The following KIF13A variants were observed in gnomAD, a reference collection of about 807,000 sequenced individuals.
The protein encoded by KIF13A is kinesin family member 13A, also known as kinesin-like protein KIF13A.
A neutral mutation model predicts 212.2 loss-of-function variants in KIF13A; 79 were observed. The ratio of observed to expected loss-of-function variants is 0.37; its 90% CI spans 0.31 to 0.45. KIF13A has a LOEUF of 0.45. Among genes scored for constraint, KIF13A ranks in the 20% least tolerant of loss-of-function variants. KIF13A has a pLI of 1.00. For synonymous variants in KIF13A, 789 were observed against 808.6 expected (o/e 0.98, Z 0.41); for missense variants, 1,901 against 2,209.0 (o/e 0.86, Z 2.79).
intron 2 of KIF13A, among the ~76,000 whole-genome samples, chr6:17,944,815 A>G (rs984906846): frequency 1.3e-4 from 20 of 152,078 alleles, no homozygotes; most frequent in African/African-American, 3.6e-4. Flanking sequence ...ACCAATGGGG[A>G]AAAAAAACTA....
chr6:17,781,623 G>GTTTT (rs776138365), intron 29 of KIF13A, among the ~76,000 whole-genome samples: 1,694 of 107,002 alleles, frequency 0.016, 42 homozygotes, highest in South Asian at 0.026. Context: ...CTGTACTTGG[G>GTTTT]TTTTTTTTTT....
At chr6:17,820,027 A>T (rs1433197240) in intron 16 of KIF13A, among the ~76,000 whole-genome samples, 1 of 152,114 alleles carries the variant, frequency 6.6e-6, no homozygotes, top group African/African-American at 2.4e-5. Context: ...ATACTGAATA[A>T]GATATATAAT....
chr6:17,893,990 C>T (rs1173945446), intron 3 of KIF13A, among the ~76,000 whole-genome samples: 4 of 151,748 alleles, frequency 2.6e-5, no homozygotes, highest in Non-Finnish European at 5.9e-5. Flanking sequence ...CAGGCGTGTG[C>T]CACCACACCC....
chr6:17,849,020 C>A lies in KIF13A; in HGVS notation c.830+357G>T, dbSNP rs572250950. On this transcript the variant is annotated intron_variant, in intron 9 of 38. Coordinates refer to ENST00000259711, the MANE Select transcript of KIF13A (RefSeq NM_022113.6). This position sits in a 1 kb window ranked among gnomAD's most constrained non-coding sequence, Gnocchi z 5.7. ...GCAACCTCCACCTCCCAAATTCAAG[C>A]GATTCTCCTGCATTAGTCTCCCAAG... Among the ~76,000 whole-genome samples the A allele has an allele frequency of 6.6e-6, 1 of 152,108 alleles. No homozygotes were observed. The highest frequency in any genetic ancestry group is 2.4e-5 in the African/African-American group (1 of 41,414).
At chr6:17,972,926 C>T (rs902151768) in intron 2 of KIF13A, among the ~76,000 whole-genome samples, 2 of 151,960 alleles carry the variant, frequency 1.3e-5, no homozygotes, top group African/African-American at 4.8e-5. Flanking sequence ...TAACAGCAGC[C>T]AGTTCATCAA....
rs559437135 is a variant in KIF13A at position 17,778,339 on chromosome 6, G to A, written c.4092+608C>T. ...GCAATTCAGGTGGGATTTCCACTAA[G>A]GGAAGATTTTTCTGACAGATGCCAA... On this transcript the variant is annotated intron_variant, in intron 33 of 38. Transcript: ENST00000259711. Among the ~76,000 whole-genome samples, 11 of 152,204 alleles carry A rather than the reference G, an allele frequency of 7.2e-5. No homozygotes were observed. The South Asian group carries it at 2.1e-3, about 29-fold the overall frequency.
Position 17,849,659 on chromosome 6 carries a change from G to C in KIF13A, c.718-170C>G, listed in dbSNP as rs1767437718. 6.6e-6 allele frequency among the ~76,000 whole-genome samples: 1 copy of C among 152,190 alleles called. No homozygotes were observed. ...ATTTGAACCAGCAATTAATTTCATA[G>C]TTAACATTTAAATAGGCGTAGAAAT... On this transcript the variant is annotated intron_variant, in intron 8 of 38. Transcript: ENST00000259711. This position sits in a 1 kb window ranked among gnomAD's most constrained non-coding sequence, Gnocchi z 5.7.
chr6:17,828,002 C>G lies in KIF13A; in HGVS notation c.1532+238G>C, dbSNP rs1235553553. On this transcript the variant is annotated intron_variant, in intron 14 of 38. Transcript: ENST00000259711. The surrounding 1 kb of genome is among the most constrained non-coding windows in gnomAD (Gnocchi z 4.3). ...TTTCACTTACTCTCATAATTGGACT[C>G]CTGATCTTTACAGGGTTCTAAAGCT... Among the ~76,000 whole-genome samples the G allele has an allele frequency of 1.3e-5, 2 of 152,158 alleles. No homozygotes were observed. Among genetic ancestry groups the G allele is most frequent in the African/African-American group, 4.8e-5 (2 of 41,430 alleles).
intron 2 of KIF13A, among the ~76,000 whole-genome samples, chr6:17,970,154 C>CCT (rs1428879802): frequency 2.0e-5 from 3 of 151,638 alleles, no homozygotes; most frequent in African/African-American, 7.3e-5. Flanking sequence ...GATCTCCTGA[C>CCT]CTCGTGATCC....
At chr6:17,848,886 T>C (rs1581515101) in intron 9 of KIF13A, among the ~76,000 whole-genome samples, 1 of 152,094 alleles carries the variant, frequency 6.6e-6, no homozygotes, top group African/African-American at 2.4e-5. Context: ...GGAATTATAG[T>C]TGTGAGCCAC....
At chr6:17,817,318 T>A in intron 16 of KIF13A, 85 bp from the exon 17 acceptor site, 1 of 1,192,282 alleles carries the variant, frequency 8.4e-7, no homozygotes, top group Non-Finnish European at 1.2e-6. Context: ...GTGGGAGGCT[T>A]CCTCTAGCAA....
rs773629420 is a variant in KIF13A at position 17,872,878 on chromosome 6, C to T, written c.220+499G>A. ...CTTGAACTCCTGACCTCAAGTGATC[C>T]GCCCACCTCGGCCTCCCAAAGTGCT... is the stretch of plus-strand genomic sequence containing the variant. On this transcript the variant is annotated intron_variant, in intron 4 of 38. Transcript: ENST00000259711. The surrounding 1 kb of genome is among the most constrained non-coding windows in gnomAD (Gnocchi z 4.7). Among the ~76,000 whole-genome samples, 1 of 151,990 alleles carries T rather than the reference C, an allele frequency of 6.6e-6. No homozygotes were observed. The highest frequency in any genetic ancestry group is 1.5e-5 in the Non-Finnish European group (1 of 68,010).
At position 17,888,967 on chromosome 6, in the gene KIF13A, C is replaced by T. The variant is rs546081033; in HGVS notation, c.159+9201G>A. ...CTAGCATATATTTTGTACTTAATCT[C>T]GAGCAACACCAGTCACATATCATAT... is the stretch of plus-strand genomic sequence containing the variant. On this transcript the variant is annotated intron_variant, in intron 3 of 38. Coordinates refer to ENST00000259711, the MANE Select transcript of KIF13A (RefSeq NM_022113.6). The surrounding 1 kb of genome is among the most constrained non-coding windows in gnomAD (Gnocchi z 4.8). 1.1e-4 allele frequency among the ~76,000 whole-genome samples: 16 copies of T among 152,192 alleles called. No homozygotes were observed. Among genetic ancestry groups the T allele is most frequent in the African/African-American group, 2.4e-4 (10 of 41,534 alleles).
In KIF13A at chr6:17,799,312, G is replaced by C. The variant is rs777300692; in HGVS notation, c.2744C>G (p.Pro915Arg). ...TGTGTACTGGGCATCCTTGGACTGT[G>C]GTGAAGGCACCTCGGGGTCCACCAC... ...APVVDPEVPS[P>R]QSKDAQYTVT... Residue 915 changes from proline (P) to arginine (R), a missense_variant, in exon 22 of 39, where the codon CCA becomes CGA. Physicochemically the swap from Pro to Arg is moderately radical, Grantham distance 103. This residue lies in a region of KIF13A where 534 missense variants were observed against 536.9 expected (regional missense o/e 0.99). Coordinates refer to ENST00000259711, the MANE Select transcript of KIF13A (RefSeq NM_022113.6). This position sits in a 1 kb window ranked among gnomAD's most constrained non-coding sequence, Gnocchi z 4.4. 6.2e-7 allele frequency: 1 copy of C among 1,613,350 alleles called. No individual in the cohort carries two copies. Among genetic ancestry groups the C allele is most frequent in the Non-Finnish European group, 8.5e-7 (1 of 1,179,658 alleles).
intron 18 of KIF13A, among the ~76,000 whole-genome samples, chr6:17,806,340 T>C (rs974695267): frequency 1.3e-5 from 2 of 152,198 alleles, no homozygotes; most frequent in African/African-American, 4.8e-5. Flanking sequence ...TTCAAGGTTT[T>C]GCTATTATAA....
In KIF13A at chr6:17,787,002, T is replaced by G. The variant is rs538669495; in HGVS notation, c.3361+774A>C. Reference sequence around the variant, plus strand: ...GTGGCCACTGCTAGCATAAGCAAACTGCACCCTTGGAGCTGAGTGGCAGTG... The same window carrying G: ...GTGGCCACTGCTAGCATAAGCAAACGGCACCCTTGGAGCTGAGTGGCAGTG... On this transcript the variant is annotated intron_variant, in intron 27 of 38. Coordinates refer to ENST00000259711, the MANE Select transcript of KIF13A (RefSeq NM_022113.6). This position sits in a 1 kb window ranked among gnomAD's most constrained non-coding sequence, Gnocchi z 4.6. Among the ~76,000 whole-genome samples the G allele has an allele frequency of 3.3e-5, 5 of 152,304 alleles. No homozygotes were observed. Among genetic ancestry groups the G allele is most frequent in the Admixed American group, 3.3e-4 (5 of 15,306 alleles).
intron 9 of KIF13A, among the ~76,000 whole-genome samples, chr6:17,845,099 A>G (rs1048634396): frequency 2.0e-5 from 3 of 152,198 alleles, no homozygotes; most frequent in Non-Finnish European, 2.9e-5. Flanking sequence ...CAAAAGGCAC[A>G]TCGGTGGCAG....
rs555280723 is a variant in KIF13A at position 17,816,260 on chromosome 6, G to T, written c.2000+760C>A. ...TTCCTGTCACCCAGGCTGGAGTGTG[G>T]TGGCATGATCGCAGCTCACTAAAGC... On this transcript the variant is annotated intron_variant, in intron 17 of 38. Coordinates refer to ENST00000259711, the MANE Select transcript of KIF13A (RefSeq NM_022113.6). This position sits in a 1 kb window ranked among gnomAD's most constrained non-coding sequence, Gnocchi z 4.3. Among the ~76,000 whole-genome samples the T allele has an allele frequency of 3.3e-3, 498 of 151,802 alleles. 2 individuals are homozygous for T. Among genetic ancestry groups the T allele is most frequent in the Middle Eastern group, 0.014 (4 of 292 alleles).
At chr6:17,902,928 G>T (rs1233755576) in intron 2 of KIF13A, among the ~76,000 whole-genome samples, 1 of 152,186 alleles carries the variant, frequency 6.6e-6, no homozygotes, top group East Asian at 1.9e-4. Flanking sequence ...TTTTACATTA[G>T]TGAGTTAAAC....
Sources: allele counts gnomAD v4.1 joint callset (sites outside exome capture counted in the v4.1 genomes callset), GRCh38; gene constraint gnomAD v4.1.1; regional missense constraint gnomAD v4.1.1; non-coding constraint Gnocchi (gnomAD v3.1); transcripts MANE v1.5; gene names NCBI Gene and HGNC (gene_info 2026-07-23, HGNC 2026-07-21).